The following TMED3 variants were observed in gnomAD, a reference collection of about 807,000 sequenced individuals.
TMED3 encodes transmembrane emp24 domain-containing protein 3.
TMED3 carries 9 observed loss-of-function variants against 15.0 expected under a neutral mutation model. The observed-to-expected ratio is 0.60, with a 90% CI of 0.36 to 1.04. TMED3 has a LOEUF of 1.04. Ranked by LOEUF, TMED3 falls within the 50% of genes least tolerant of loss-of-function variation. TMED3 has a pLI of 0.01. For synonymous variants in TMED3, 117 were observed against 121.4 expected (o/e 0.96, Z 0.24); for missense variants, 267 against 278.9 (o/e 0.96, Z 0.30).
intron 2 of TMED3, among the ~76,000 whole-genome samples, chr15:79,341,541 G>T (rs2058851786): frequency 1.3e-5 from 2 of 152,190 alleles, no homozygotes. Flanking sequence ...GATCACTGTG[G>T]CTGCTGTTAG....
At chr15:79,375,860 A>C (rs923084349) in intron 2 of TMED3, among the ~76,000 whole-genome samples, 1 of 152,174 alleles carries the variant, frequency 6.6e-6, no homozygotes, top group Non-Finnish European at 1.5e-5. Flanking sequence ...ATTTTATGTG[A>C]CATCAGAAGC....
downstream of TMED3, among the ~76,000 whole-genome samples, chr15:79,324,573 A>T (rs181062245): frequency 1.6e-4 from 25 of 152,344 alleles, no homozygotes; most frequent in African/African-American, 5.8e-4. Context: ...GTAATTTTTT[A>T]AAAAGTAATA....
At chr15:79,387,711 C>T (rs1893644770) in intron 2 of TMED3, among the ~76,000 whole-genome samples, 1 of 152,106 alleles carries the variant, frequency 6.6e-6, no homozygotes, top group Admixed American at 6.5e-5. Context: ...GACATCTTTG[C>T]AAGACAGTTT....
At chr15:79,396,059 A>C (rs1893758106) in intron 2 of TMED3, among the ~76,000 whole-genome samples, 1 of 152,162 alleles carries the variant, frequency 6.6e-6, no homozygotes, top group Non-Finnish European at 1.5e-5. Flanking sequence ...CCATCTTCTG[A>C]CTTCCATGTT....
downstream of TMED3, among the ~76,000 whole-genome samples, chr15:79,325,295 C>T (rs1045898345): frequency 6.6e-6 from 1 of 152,074 alleles, no homozygotes; most frequent in Non-Finnish European, 1.5e-5. Flanking sequence ...CTCCAAAGAC[C>T]AAGAGTTGGT....
chr15:79,345,980 C>G (rs1011940695), intron 2 of TMED3, among the ~76,000 whole-genome samples: 2 of 152,008 alleles, frequency 1.3e-5, no homozygotes, highest in Non-Finnish European at 2.9e-5. Flanking sequence ...TGTCATTTTC[C>G]CGCTTCTTAA....
intron 2 of TMED3, among the ~76,000 whole-genome samples, chr15:79,332,066 T>TC (rs2058811450): frequency 6.6e-6 from 1 of 151,812 alleles, no homozygotes; most frequent in Non-Finnish European, 1.5e-5. Context: ...AATAAATAAA[T>TC]ACATAAATAA....
At chr15:79,407,499 T>C (rs1239476753) in intron 2 of TMED3, among the ~76,000 whole-genome samples, 1 of 152,150 alleles carries the variant, frequency 6.6e-6, no homozygotes, top group African/African-American at 2.4e-5. Context: ...CAGACCCTGG[T>C]TGTTGATCTG....
At chr15:79,391,960 A>G (rs12324417) in intron 2 of TMED3, among the ~76,000 whole-genome samples, 3,733 of 152,012 alleles carry the variant, frequency 0.025, 165 homozygotes, top group African/African-American at 0.086. Context: ...TTTCAGTTTA[A>G]GTTTATGTTT....
At chr15:79,386,733 G>A (rs1178003573) in intron 2 of TMED3, among the ~76,000 whole-genome samples, 1 of 123,120 alleles carries the variant, frequency 8.1e-6, no homozygotes, top group African/African-American at 3.0e-5. Context: ...ATTTTTAGTA[G>A]AGACGGGGTT....
chr15:79,409,500 C>A (rs1227964806), intron 2 of TMED3, among the ~76,000 whole-genome samples: 1 of 152,194 alleles, frequency 6.6e-6, no homozygotes, highest in Non-Finnish European at 1.5e-5. Context: ...AGAGTTCATG[C>A]AAATGGGCCC....
chr15:79,359,864 C>A (rs7183638), intron 2 of TMED3, among the ~76,000 whole-genome samples: 17,446 of 152,154 alleles, frequency 0.11, 1,364 homozygotes, highest in East Asian at 0.41. Context: ...CTCCCTTCTT[C>A]TTCTGCCCGT....
intron 2 of TMED3, among the ~76,000 whole-genome samples, chr15:79,399,410 A>G (rs1412311104): frequency 1.3e-5 from 2 of 152,160 alleles, no homozygotes; most frequent in Non-Finnish European, 2.9e-5. Flanking sequence ...GGACGAGTTG[A>G]TCATTGTTTG....
intron 2 of TMED3, among the ~76,000 whole-genome samples, chr15:79,331,058 A>G (rs1244062152): frequency 6.6e-6 from 1 of 152,194 alleles, no homozygotes; most frequent in East Asian, 1.9e-4. Flanking sequence ...AACACTTCAC[A>G]TGGTGAAAGC....
chr15:79,407,767 C>T (rs1893920312), intron 2 of TMED3, among the ~76,000 whole-genome samples: 1 of 152,174 alleles, frequency 6.6e-6, no homozygotes, highest in African/African-American at 2.4e-5. Context: ...ACATTTTTTA[C>T]CTGACCCCTG....
rs146988174 is a variant in TMED3, at chr15:79,355,383, G to A, written c.417+41378G>A. Among the ~76,000 whole-genome samples, 760 of 152,260 alleles carry A rather than the reference G, an allele frequency of 5.0e-3. 4 individuals are homozygous for A. Among genetic ancestry groups the A allele is most frequent in the African/African-American group, 0.017 (690 of 41,558 alleles). The stretch of plus-strand genomic sequence containing the variant: ...TCATTTGCAACAGTGGATCCAGCCC[G>A]TAGGTTAGGTGGCTGGGCTGATTGG... On this transcript the variant is annotated intron_variant, in intron 2 of 2. Transcript: ENST00000424155.
intron 2 of TMED3, chr15:79,382,994 G>A (rs1315474850): frequency 1.4e-5 from 22 of 1,535,200 alleles, no homozygotes; most frequent in East Asian, 7.3e-5. Context: ...CAACACCAAC[G>A]CCACCACTAA....
intron 2 of TMED3, among the ~76,000 whole-genome samples, chr15:79,408,757 G>A (rs1893934355): frequency 1.3e-5 from 2 of 152,180 alleles, no homozygotes; most frequent in South Asian, 4.1e-4. Flanking sequence ...TAAAATGCAA[G>A]TGGTGAGAAT....
At chr15:79,322,950 G>T (rs2058774356), downstream of TMED3, 38 of 956,330 alleles carry the variant, frequency 4.0e-5, no homozygotes, top group Non-Finnish European at 4.6e-5. Context: ...CTAGAGAGGT[G>T]CATGGGGTGC....
Sources: allele counts gnomAD v4.1 joint callset (sites outside exome capture counted in the v4.1 genomes callset), GRCh38; gene constraint gnomAD v4.1.1; transcripts MANE v1.5; gene names NCBI Gene and HGNC (gene_info 2026-07-23, HGNC 2026-07-21).